SLC30A8: variants seen among roughly 807,000 people sequenced by gnomAD.
The protein encoded by SLC30A8 is proton-coupled zinc antiporter SLC30A8.
A neutral mutation model predicts 36.9 loss-of-function variants in SLC30A8; 27 were observed. The observed-to-expected ratio is 0.73, with a 90% CI of 0.54 to 1.01. The LOEUF is 1.01. Ranked by LOEUF, SLC30A8 falls within the 50% of genes least tolerant of loss-of-function variation. SLC30A8 has a pLI of 0.00. For synonymous variants in SLC30A8, 164 were observed against 172.4 expected (o/e 0.95, Z 0.38); for missense variants, 439 against 452.0 (o/e 0.97, Z 0.26).
intron 1 of SLC30A8, among the ~76,000 whole-genome samples, chr8:117,031,078 C>T (rs1452176278): frequency 6.6e-6 from 1 of 152,156 alleles, no homozygotes. Flanking sequence ...ACCCCATTGA[C>T]CCAAATATTT....
At position 117,163,518 on chromosome 8, in the gene SLC30A8, T is replaced by C; in HGVS notation, c.817T>C (p.Leu273=). 6.2e-7 allele frequency: 1 copy of C among 1,610,846 alleles called. No individual in the cohort carries two copies. Among genetic ancestry groups the C allele is most frequent in the Non-Finnish European group, 8.5e-7 (1 of 1,177,656 alleles). Residue 273 remains leucine (L), a synonymous_variant, in exon 6 of 8, where the codon TTA becomes CTA. Coordinates refer to ENST00000456015, the MANE Select transcript of SLC30A8 (RefSeq NM_173851.3). ...TITILKDFSI[L]LMEGVPKSLN... ...CACTATCTTAAAGGACTTCTCCATC[T>C]TACTCATGGAAGGTAGGAGTGATTT...
At chr8:116,962,548 A>G (rs1288490065) in intron 1 of SLC30A8, among the ~76,000 whole-genome samples, 3 of 152,046 alleles carry the variant, frequency 2.0e-5, no homozygotes, top group Non-Finnish European at 4.4e-5. Flanking sequence ...ACAGGATTTT[A>G]TGAGCATCAG....
At chr8:117,020,969 A>T (rs899796707) in intron 1 of SLC30A8, among the ~76,000 whole-genome samples, 2 of 152,166 alleles carry the variant, frequency 1.3e-5, no homozygotes, top group Admixed American at 1.3e-4. Context: ...GAAAAGGGAG[A>T]GAAGTAAAAT....
At chr8:116,985,081 A>T (rs1026624542) in intron 1 of SLC30A8, among the ~76,000 whole-genome samples, 8 of 152,078 alleles carry the variant, frequency 5.3e-5, no homozygotes, top group African/African-American at 1.9e-4. Flanking sequence ...TATAAAATTA[A>T]ACCATGTATT....
At position 117,175,721 on chromosome 8, in the gene SLC30A8, A is replaced by G. The variant is rs1823646256; in HGVS notation, c.*3040A>G. 6.6e-6 allele frequency: 1 copy of G among 152,132 alleles called. No individual in the cohort carries two copies. Among genetic ancestry groups the G allele is most frequent in the South Asian group, 2.1e-4 (1 of 4,828 alleles). 9.4% of individuals were successfully genotyped at this position (152,132 alleles called of 1,614,324 possible). A position where few individuals can be genotyped will look rare whatever the true frequency, so the allele number is the denominator to read the frequency against. On this transcript the variant is annotated 3_prime_UTR_variant, in exon 8 of 8. Transcript: ENST00000456015. ...TATGTACAAACATGAGTGGGCACAG[A>G]ATTTTAAATCATCTCAACTTTTGAG...
intron 1 of SLC30A8, among the ~76,000 whole-genome samples, chr8:117,029,683 G>A (rs1408937748): frequency 1.3e-5 from 2 of 152,168 alleles, no homozygotes; most frequent in Non-Finnish European, 2.9e-5. Context: ...GTAATGGAAA[G>A]ATAATTACAA....
chr8:117,158,100 T>C (rs554958876), intron 4 of SLC30A8, among the ~76,000 whole-genome samples: 1 of 152,362 alleles, frequency 6.6e-6, no homozygotes, highest in South Asian at 2.1e-4. Flanking sequence ...TTTGAATATA[T>C]ATTACCAACT....
At chr8:117,035,848 A>G (rs2130747787) in intron 1 of SLC30A8, among the ~76,000 whole-genome samples, 1 of 152,242 alleles carries the variant, frequency 6.6e-6, no homozygotes, top group East Asian at 1.9e-4. Context: ...TTGCACCTCT[A>G]AAGCTGTACC....
At chr8:117,096,782 T>G (rs1053633694) in intron 2 of SLC30A8, among the ~76,000 whole-genome samples, 1 of 152,140 alleles carries the variant, frequency 6.6e-6, no homozygotes, top group African/African-American at 2.4e-5. Context: ...AAATGACATA[T>G]TGTCATATGA....
At chr8:117,155,954 C>T (rs1013050083) in intron 3 of SLC30A8, among the ~76,000 whole-genome samples, 1 of 152,184 alleles carries the variant, frequency 6.6e-6, no homozygotes, top group Non-Finnish European at 1.5e-5. Context: ...TGGGCCCATC[C>T]TACTCCAATG....
At chr8:117,041,773 T>C (rs1028995282) in intron 2 of SLC30A8, among the ~76,000 whole-genome samples, 5 of 152,148 alleles carry the variant, frequency 3.3e-5, no homozygotes, top group African/African-American at 9.7e-5. Context: ...CTTGACACAT[T>C]GATTGCTTTA....
intron 4 of SLC30A8, among the ~76,000 whole-genome samples, chr8:117,159,538 G>A (rs1822672137): frequency 6.6e-6 from 1 of 152,148 alleles, no homozygotes; most frequent in Non-Finnish European, 1.5e-5. Flanking sequence ...TAGAAGAATG[G>A]TGTTTGATCT....
At chr8:117,035,880 T>C (rs1159450749) in intron 1 of SLC30A8, among the ~76,000 whole-genome samples, 1 of 152,326 alleles carries the variant, frequency 6.6e-6, no homozygotes, top group East Asian at 1.9e-4. Context: ...TAGCCACAGC[T>C]GGAGCTGGAG....
chr8:117,124,304 G>C (rs1001310498), intron 2 of SLC30A8, among the ~76,000 whole-genome samples: 4 of 151,948 alleles, frequency 2.6e-5, no homozygotes, highest in African/African-American at 9.7e-5. Context: ...GAAAAGGCTA[G>C]TTGATGCTGC....
chr8:116,953,586 A>G (rs1424970402), intron 1 of SLC30A8, among the ~76,000 whole-genome samples: 1 of 152,018 alleles, frequency 6.6e-6, no homozygotes, highest in Non-Finnish European at 1.5e-5. Flanking sequence ...CTATCATCTC[A>G]TCTCTACTTC....
intron 1 of SLC30A8, among the ~76,000 whole-genome samples, chr8:116,973,397 GACAA>G (rs763117992): frequency 1.3e-5 from 2 of 152,106 alleles, no homozygotes; most frequent in Non-Finnish European, 2.9e-5. Flanking sequence ...ACCAATAACA[GACAA>G]ACAGAGAGCC....
At chr8:117,016,446 G>A (rs1816522246) in intron 1 of SLC30A8, among the ~76,000 whole-genome samples, 1 of 152,156 alleles carries the variant, frequency 6.6e-6, no homozygotes, top group South Asian at 2.1e-4. Context: ...AAAGACAGGG[G>A]CAAAGAACAA....
chr8:117,037,241 T>A (rs1817241906), intron 1 of SLC30A8, among the ~76,000 whole-genome samples: 1 of 152,200 alleles, frequency 6.6e-6, no homozygotes, highest in Admixed American at 6.5e-5. Flanking sequence ...TCTCTGTAGC[T>A]CAGATTAGAA....
chr8:117,166,409 ATT>A (rs1465723844), intron 6 of SLC30A8, among the ~76,000 whole-genome samples: 1 of 152,322 alleles, frequency 6.6e-6, no homozygotes, highest in East Asian at 1.9e-4. Context: ...GAAAACAGGT[ATT>A]ATGAAGGACT....
Sources: allele counts gnomAD v4.1 joint callset (sites outside exome capture counted in the v4.1 genomes callset), GRCh38; gene constraint gnomAD v4.1.1; transcripts MANE v1.5; gene names NCBI Gene and HGNC (gene_info 2026-07-23, HGNC 2026-07-21).